The following DOCK9 variants were observed in gnomAD, a reference collection of about 807,000 sequenced individuals.
The protein encoded by DOCK9 is dedicator of cytokinesis protein 9.
A neutral mutation model predicts 263.3 loss-of-function variants in DOCK9; 89 were observed. That is an observed-to-expected ratio of 0.34 (90% CI 0.28 to 0.40). DOCK9 has a LOEUF of 0.40. DOCK9 is among the 10% of genes least tolerant of loss of function. DOCK9 has a pLI of 1.00. For synonymous variants in DOCK9, 976 were observed against 973.1 expected, an observed-to-expected ratio of 1.00 and a Z score of -0.06; for missense variants, 2,140 against 2,603.4, an observed-to-expected ratio of 0.82 and a Z score of 3.87.
chr13:99,026,737 A>C (rs1886772796), intron 1 of DOCK9, among the ~76,000 whole-genome samples: 1 of 148,462 alleles, frequency 6.7e-6, no homozygotes, highest in African/African-American at 2.4e-5. Context: ...GAAAAAAATC[A>C]GAGGAGGGAT....
chr13:98,895,223 T>C (rs1254863277), intron 15 of DOCK9, among the ~76,000 whole-genome samples: 3 of 151,996 alleles, frequency 2.0e-5, no homozygotes, highest in African/African-American at 7.2e-5. Flanking sequence ...TTATAATATT[T>C]ATGCATTAAA....
At chr13:98,838,100 G>A (rs954611183) in intron 38 of DOCK9, among the ~76,000 whole-genome samples, 2 of 152,202 alleles carry the variant, frequency 1.3e-5, no homozygotes, top group African/African-American at 4.8e-5. Context: ...CAGAGGCTAA[G>A]ATTTCCAAAG....
chr13:99,040,157 G>A (rs138913656), intron 1 of DOCK9, among the ~76,000 whole-genome samples: 5 of 152,144 alleles, frequency 3.3e-5, no homozygotes, highest in East Asian at 1.9e-4. Flanking sequence ...CATCTCTCCC[G>A]CACCCCTACC....
chr13:99,059,269 A>G (rs2041072716), intron 1 of DOCK9, among the ~76,000 whole-genome samples: 5 of 152,114 alleles, frequency 3.3e-5, no homozygotes, highest in Admixed American at 3.3e-4. Context: ...TGCCTACTCA[A>G]CACCTCAATG....
chr13:98,800,265 C>T, intron 50 of DOCK9, 23 bp downstream of exon 50: 1 of 1,566,590 alleles, frequency 6.4e-7, no homozygotes, highest in Non-Finnish European at 8.7e-7. Context: ...CTGCTGCCCT[C>T]CGGCCTGCTG....
At chr13:98,941,771 A>C (rs1446196697) in intron 2 of DOCK9, among the ~76,000 whole-genome samples, 5 of 152,156 alleles carry the variant, frequency 3.3e-5, no homozygotes, top group Non-Finnish European at 1.5e-5. Flanking sequence ...TGGCAACTAA[A>C]AACAGCCTCC....
chr13:98,972,346 T>G (rs1425731074), intron 1 of DOCK9, among the ~76,000 whole-genome samples: 1 of 152,262 alleles, frequency 6.6e-6, no homozygotes, highest in Non-Finnish European at 1.5e-5. Flanking sequence ...CCCTCCATGC[T>G]GATGGCAGAT....
At chr13:98,895,972 C>A (rs371817287) in intron 15 of DOCK9, among the ~76,000 whole-genome samples, 22 of 152,290 alleles carry the variant, frequency 1.4e-4, no homozygotes, top group Middle Eastern at 3.4e-3. Context: ...TCCAGGAACC[C>A]TGGAAGGCTA....
intron 30 of DOCK9, among the ~76,000 whole-genome samples, chr13:98,865,293 A>G (rs1214272483): frequency 6.6e-6 from 1 of 151,906 alleles, no homozygotes; most frequent in Admixed American, 6.6e-5. Flanking sequence ...GATGATCTCG[A>G]ACTCCTAGGC....
At chr13:98,846,364 T>C (rs1470098457) in intron 37 of DOCK9, among the ~76,000 whole-genome samples, 2 of 152,238 alleles carry the variant, frequency 1.3e-5, no homozygotes, top group African/African-American at 2.4e-5. Context: ...GTTAGTGTTC[T>C]GACGACTGTC....
chr13:98,862,436 C>T lies in DOCK9; in HGVS notation c.3579+583G>A, dbSNP rs558263886. On this transcript the variant is annotated intron_variant, in intron 32 of 52. Coordinates refer to ENST00000682017, the MANE Select transcript of DOCK9 (RefSeq NM_001366683.2). ...GGGCACGGTGGCTCACGTCTGTAAT[C>T]CCAGAACTTTGGGAGGCCAAGGTGG... 8.5e-5 allele frequency among the ~76,000 whole-genome samples: 13 copies of T among 152,086 alleles called. No individual in the cohort carries two copies. In the South Asian group the frequency reaches 2.7e-3, roughly 32 times the overall value.
intron 1 of DOCK9, among the ~76,000 whole-genome samples, chr13:98,992,427 T>C (rs569888920): frequency 2.8e-4 from 42 of 152,240 alleles, no homozygotes; most frequent in African/African-American, 9.1e-4. Context: ...TTCAGTTGGG[T>C]AGGTCTACTC....
At chr13:98,980,557 G>A (rs753138390), upstream of DOCK9, among the ~76,000 whole-genome samples, 16 of 152,252 alleles carry the variant, frequency 1.1e-4, no homozygotes, top group Non-Finnish European at 1.9e-4. Flanking sequence ...TGGAAGTGAA[G>A]AGGTAAAAAG....
intron 43 of DOCK9, among the ~76,000 whole-genome samples, chr13:98,828,410 CTTAG>C (rs1170863938): frequency 3.3e-5 from 5 of 152,176 alleles, no homozygotes; most frequent in Admixed American, 6.5e-5. Context: ...AGTTACTTCT[CTTAG>C]TTATTCCTTT....
chr13:98,874,186 G>A (rs1398198407), intron 27 of DOCK9, among the ~76,000 whole-genome samples: 2 of 152,178 alleles, frequency 1.3e-5, no homozygotes, highest in African/African-American at 2.4e-5. Flanking sequence ...GCTGCTCTGC[G>A]CTCTGTAGTT....
chr13:99,024,271 C>T (rs1886461045), intron 1 of DOCK9, among the ~76,000 whole-genome samples: 1 of 152,142 alleles, frequency 6.6e-6, no homozygotes, highest in African/African-American at 2.4e-5. Context: ...AAATTAGACA[C>T]TGGATGAAGA....
intron 1 of DOCK9, among the ~76,000 whole-genome samples, chr13:99,059,851 A>G (rs901785655): frequency 7.2e-5 from 11 of 152,034 alleles, no homozygotes; most frequent in Non-Finnish European, 1.6e-4. Context: ...CCACTCATCT[A>G]CTTTCTGTCT....
intron 1 of DOCK9, among the ~76,000 whole-genome samples, chr13:98,991,523 A>G (rs1028249375): frequency 6.6e-6 from 1 of 152,172 alleles, no homozygotes; most frequent in African/African-American, 2.4e-5. Flanking sequence ...TGTGTGACAA[A>G]AAGAATGTAA....
chr13:98,943,887 A>C (rs1327583632), intron 2 of DOCK9, among the ~76,000 whole-genome samples: 2 of 152,236 alleles, frequency 1.3e-5, no homozygotes, highest in East Asian at 1.9e-4. Flanking sequence ...TATACTTCAT[A>C]AATTTCCATC....
Sources: gnomAD v4.1 joint callset for allele counts (sites outside exome capture counted in the v4.1 genomes callset) on GRCh38, gnomAD v4.1.1 for gene constraint, MANE v1.5 for transcripts, NCBI Gene and HGNC (gene_info 2026-07-23, HGNC 2026-07-21) for gene names.